The following INPP5D variants were observed in gnomAD, a reference collection of about 807,000 sequenced individuals.
INPP5D encodes phosphatidylinositol 3,4,5-trisphosphate 5-phosphatase 1.
INPP5D carries 33 observed loss-of-function variants against 122.9 expected under a neutral mutation model. The ratio of observed to expected loss-of-function variants is 0.27; its 90% confidence interval spans 0.20 to 0.36. The LOEUF (loss-of-function observed/expected upper bound fraction) is 0.36. Ranked by LOEUF, INPP5D falls within the 10% of genes least tolerant of loss-of-function variation. The pLI is 1.00. For missense variants in INPP5D, 1,053 were observed against 1,412.7 expected (o/e 0.75, Z 4.08); for synonymous variants, 584 against 576.2 (o/e 1.01, Z -0.19).
intron 2 of INPP5D, among the ~76,000 whole-genome samples, chr2:233,115,770 A>T (rs1692770479): frequency 6.6e-6 from 1 of 152,090 alleles, no homozygotes; most frequent in Non-Finnish European, 1.5e-5. Flanking sequence ...GCCCCTCAAC[A>T]CAGTGGTGGG....
At chr2:233,167,868 G>C (rs1289101001) in intron 13 of INPP5D, among the ~76,000 whole-genome samples, 1 of 151,922 alleles carries the variant, frequency 6.6e-6, no homozygotes, top group Non-Finnish European at 1.5e-5. Flanking sequence ...AGCTGGGTGT[G>C]GTGGTGGGTG....
At chr2:233,186,650 T>G (rs888617768) in intron 21 of INPP5D, among the ~76,000 whole-genome samples, 1 of 145,830 alleles carries the variant, frequency 6.9e-6, no homozygotes, top group African/African-American at 2.5e-5. Flanking sequence ...AAAAAAAAAT[T>G]TTTTTTCTCT....
intron 5 of INPP5D, among the ~76,000 whole-genome samples, chr2:233,139,534 G>C (rs1693590188): frequency 6.6e-6 from 1 of 151,580 alleles, no homozygotes. Flanking sequence ...TGGGAACCAT[G>C]GATAACTAAG....
At chr2:233,198,553 T>C (rs1695247169) in intron 25 of INPP5D, among the ~76,000 whole-genome samples, 177 bp downstream of exon 25, 1 of 152,248 alleles carries the variant, frequency 6.6e-6, no homozygotes, top group African/African-American at 2.4e-5. Flanking sequence ...GAGTCTTCCA[T>C]GTCCTAACCT....
chr2:233,098,107 G>A (rs917051373), intron 2 of INPP5D, among the ~76,000 whole-genome samples: 2 of 152,140 alleles, frequency 1.3e-5, no homozygotes, highest in Non-Finnish European at 2.9e-5. Context: ...TGGCCAGGCT[G>A]ATTTCGAACT....
intron 2 of INPP5D, among the ~76,000 whole-genome samples, chr2:233,120,394 A>G (rs905301471): frequency 2.3e-4 from 35 of 152,252 alleles, no homozygotes; most frequent in African/African-American, 7.9e-4. Flanking sequence ...TGAGGCCAGA[A>G]AATTGCTTGA....
chr2:233,171,209 G>C (rs899324739), intron 17 of INPP5D, 57 bp downstream of exon 17: 27 of 1,583,138 alleles, frequency 1.7e-5, no homozygotes, highest in Admixed American at 1.5e-4. Flanking sequence ...GCTGGTGTCT[G>C]TTCCCAAAAG....
intron 4 of INPP5D, among the ~76,000 whole-genome samples, chr2:233,130,060 C>T (rs375387782): frequency 2.0e-5 from 3 of 152,306 alleles, no homozygotes; most frequent in Non-Finnish European, 1.5e-5. Flanking sequence ...CACCACCACA[C>T]CCGGCTAATT....
At chr2:233,077,107 T>A (rs895815115) in intron 1 of INPP5D, among the ~76,000 whole-genome samples, 3 of 152,204 alleles carry the variant, frequency 2.0e-5, no homozygotes, top group Admixed American at 6.5e-5. Context: ...TCACTTGGCT[T>A]GAGAAGACCT....
chr2:233,155,402 C>A (rs1220679741), intron 9 of INPP5D, among the ~76,000 whole-genome samples: 1 of 152,062 alleles, frequency 6.6e-6, no homozygotes, highest in African/African-American at 2.4e-5. Context: ...GCAGGTGGAA[C>A]ACTTGAGGTC....
intron 2 of INPP5D, among the ~76,000 whole-genome samples, chr2:233,093,575 G>A (rs1692044994): frequency 6.6e-6 from 1 of 151,530 alleles, no homozygotes; most frequent in Non-Finnish European, 1.5e-5. Context: ...AGCTACTCAG[G>A]AGGCTAAGGC....
At position 233,161,781 on chromosome 2, in the gene INPP5D, C is replaced by A. The variant is rs1694204207; in HGVS notation, c.1195C>A (p.Pro399Thr). The A allele has an allele frequency of 6.2e-7, 1 of 1,613,640 alleles. No homozygotes were observed. The change falls in exon 11 of 27, where the codon CCG (proline) becomes ACG (threonine). Residue 399 changes from proline to threonine, a missense_variant. Pro to Thr is a conservative substitution (Grantham distance 38). Transcript: ENST00000445964. ...GATGAAGAACAAGCACTCAGAGCAG[C>A]CGGAGCCCGACATGATCACCATCTT... is the stretch of plus-strand genomic sequence containing the variant. ...QQMKNKHSEQ[P>T]EPDMITIFIG...
At position 233,204,372 on chromosome 2, in the gene INPP5D, C is replaced by T. The variant is rs771288486; in HGVS notation, c.3222C>T (p.Pro1074=). 5 of 1,610,208 alleles carry T rather than the reference C, an allele frequency of 3.1e-6. No homozygotes were observed. The highest frequency in any genetic ancestry group is 4.2e-6 in the Non-Finnish European group (5 of 1,178,290). Residue 1074 remains proline, a synonymous_variant, in exon 26 of 27, where the codon CCC becomes CCT. Coordinates refer to ENST00000445964, the MANE Select transcript of INPP5D (RefSeq NM_001017915.3). The part of the protein sequence containing the change: ...KAQEADRGEG[P]GKQVPAPRLR... ...AGGAGGCTGATCGCGGCGAGGGGCC[C>T]GGCAAGCAGGTGCCCGCGCCCCGGC...
chr2:233,163,713 C>A lies in INPP5D; in HGVS notation c.1247C>A (p.Ala416Asp), dbSNP rs373650820. The A allele has an allele frequency of 1.2e-6, 2 of 1,613,416 alleles. No individual in the cohort carries two copies. The highest frequency in any genetic ancestry group is 1.7e-6 in the Non-Finnish European group (2 of 1,179,782). ...TTGGGTTTTGCTGTTGAAGGTAACG[C>A]CCCCCCTCCCAAGAAGATCACGTCC... ...IFIGTWNMGNAPPPKKITSWF... is the reference protein window; with the variant it reads ...IFIGTWNMGNDPPPKKITSWF... The change falls in exon 12 of 27, where the codon GCC becomes GAC. Residue 416 changes from alanine (A) to aspartate (D), a missense_variant. Around this residue, in one of 6 missense-constraint regions of INPP5D, gnomAD observed 105 missense variants for 199.8 expected, o/e 0.53. Transcript: ENST00000445964.
intron 25 of INPP5D, among the ~76,000 whole-genome samples, chr2:233,203,475 G>C (rs747358059): frequency 6.6e-6 from 1 of 152,198 alleles, no homozygotes; most frequent in Non-Finnish European, 1.5e-5. Flanking sequence ...TAGTGGAAAA[G>C]GTCCCAGGCC....
At chr2:233,165,756 G>A (rs1490674329) in intron 13 of INPP5D, among the ~76,000 whole-genome samples, 1 of 143,010 alleles carries the variant, frequency 7.0e-6, no homozygotes, top group Non-Finnish European at 1.6e-5. Flanking sequence ...GAGTCCATGT[G>A]TCTGTGTTTG....
Position 233,128,019 on chromosome 2 carries a change from C to T in INPP5D, c.524+2100C>T, listed in dbSNP as rs995232218. On this transcript the variant is annotated intron_variant, in intron 4 of 26. Coordinates refer to ENST00000445964, the MANE Select transcript of INPP5D (RefSeq NM_001017915.3). The surrounding 1 kb of genome is among the most constrained non-coding windows in gnomAD (Gnocchi z 4.5). ...AGATACATATTTTAATACAGGGGTC[C>T]CCAACCTGTGGACTATTAGGAACTG... Among the ~76,000 whole-genome samples the T allele has an allele frequency of 6.6e-6, 1 of 152,202 alleles. No homozygotes were observed. Among genetic ancestry groups the T allele is most frequent in the Non-Finnish European group, 1.5e-5 (1 of 68,040 alleles).
intron 6 of INPP5D, among the ~76,000 whole-genome samples, chr2:233,142,006 A>G (rs984159015): frequency 2.0e-5 from 3 of 152,264 alleles, no homozygotes; most frequent in Non-Finnish European, 4.4e-5. Context: ...GCAAATCTAG[A>G]TAAAACAGGG....
intron 1 of INPP5D, among the ~76,000 whole-genome samples, chr2:233,066,248 G>A (rs980394734): frequency 2.6e-5 from 4 of 152,096 alleles, no homozygotes; most frequent in African/African-American, 7.2e-5. Context: ...GCCGCTGCAC[G>A]CAGCCTCACA....
Sources: allele counts gnomAD v4.1 joint callset (sites outside exome capture counted in the v4.1 genomes callset), GRCh38; gene constraint gnomAD v4.1.1; regional missense constraint gnomAD v4.1.1; non-coding constraint Gnocchi (gnomAD v3.1); transcripts MANE v1.5; gene names NCBI Gene and HGNC (gene_info 2026-07-23, HGNC 2026-07-21).